TNRC6B: variants seen among roughly 807,000 people sequenced by gnomAD.
TNRC6B encodes trinucleotide repeat containing adaptor 6B.
TNRC6B carries 52 observed loss-of-function variants against 203.6 expected under a neutral mutation model. The observed-to-expected ratio is 0.26, with a 90% CI of 0.20 to 0.32. TNRC6B has a LOEUF of 0.32. Among genes scored for constraint, TNRC6B ranks in the 10% least tolerant of loss-of-function variants. The probability of loss-of-function intolerance (pLI) is 1.00; values close to 1 mark genes in which losing one functional copy is unlikely to be tolerated. For synonymous variants in TNRC6B, 838 were observed against 845.7 expected (o/e 0.99, Z 0.16); for missense variants, 1,923 against 2,286.2 (o/e 0.84, Z 3.24).
intron 4 of TNRC6B, chr22:40,156,189 C>T: frequency 6.4e-7 from 1 of 1,564,892 alleles, no homozygotes; most frequent in Non-Finnish European, 8.7e-7. Flanking sequence ...AACAGTGAGT[C>T]ACAGTTTATT....
chr22:40,322,782 C>T, intron 22 of TNRC6B, 72 bp from the exon 23 acceptor site: 1 of 1,555,972 alleles, frequency 6.4e-7, no homozygotes. Context: ...ATGTCAAGGA[C>T]TGCAGTCGCT....
At position 40,334,643 on chromosome 22, in the gene TNRC6B, C is replaced by T. The variant is rs1475642183; in HGVS notation, c.*11402C>T. 6.6e-6 allele frequency: 1 copy of T among 152,590 alleles called. No individual in the cohort carries two copies. Among genetic ancestry groups the T allele is most frequent in the Non-Finnish European group, 1.5e-5 (1 of 68,028 alleles). 9.5% of individuals were successfully genotyped at this position (152,590 alleles called of 1,614,324 possible). A position where few individuals can be genotyped will look rare whatever the true frequency, so the allele number is the denominator to read the frequency against. ...CCATAATCCTAGGGGGCTATGTTTA[C>T]ATAGTAAAATACATCCTACCAAATC... On this transcript the variant is annotated 3_prime_UTR_variant, in exon 23 of 23. Transcript: ENST00000454349.
At chr22:40,238,804 G>A (rs1052485107) in intron 1 of TNRC6B, among the ~76,000 whole-genome samples, 3 of 152,216 alleles carry the variant, frequency 2.0e-5, no homozygotes, top group Non-Finnish European at 4.4e-5. Flanking sequence ...CATGCATCTT[G>A]TTGTATATCT....
At chr22:40,246,347 G>A (rs1361378253) in intron 2 of TNRC6B, 1 of 252,824 alleles carries the variant, frequency 4.0e-6, no homozygotes, top group South Asian at 5.0e-5. Context: ...ACGCCACCAC[G>A]CCTGGCTAAT....
rs2068224921 is a variant in TNRC6B at position 40,100,152 on chromosome 22, T to C, written c.-120-16903T>C. Among the ~76,000 whole-genome samples, 4 of 151,684 alleles carry C rather than the reference T, an allele frequency of 2.6e-5. 1 individual carries two copies. The South Asian group carries it at 8.3e-4, about 32-fold the overall frequency. On this transcript the variant is annotated intron_variant, in intron 1 of 23. Transcript: ENST00000301923. Reference sequence around the variant, plus strand: ...CCCAGGCTGGAGTGTAGTGGTGTGATCTTGGCTTACTGCAATCTCCACCTT... The same window carrying C: ...CCCAGGCTGGAGTGTAGTGGTGTGACCTTGGCTTACTGCAATCTCCACCTT...
In TNRC6B at chr22:40,128,691, CT is replaced by C. The variant is rs563991317; in HGVS notation, c.45+2840del. ...GGTGTGTGCCACCACACCTGGCTCT[CT>C]TTTTTTTTTTGGTAGAGACAGAGTC... On this transcript the variant is annotated intron_variant, in intron 3 of 23. Transcript: ENST00000301923. Among the ~76,000 whole-genome samples, 621 of 145,192 alleles carry C rather than the reference CT, an allele frequency of 4.3e-3. 3 individuals carry two copies. Among genetic ancestry groups the C allele is most frequent in the African/African-American group, 0.012 (484 of 39,978 alleles).
Position 40,139,104 on chromosome 22 carries a change from C to G in TNRC6B, c.45+13242C>G, listed in dbSNP as rs532236653. Among the ~76,000 whole-genome samples, 7 of 152,282 alleles carry G rather than the reference C, an allele frequency of 4.6e-5. No individual in the cohort carries two copies. The South Asian group carries it at 1.0e-3, about 23-fold the overall frequency. The stretch of plus-strand genomic sequence containing the variant: ...TCCATTAGCAGTCACTCTCTATTCC[C>G]TTTCCTCCCAGGCACAGGCAACCAC... On this transcript the variant is annotated intron_variant, in intron 3 of 23. Transcript: ENST00000301923.
rs2071447898 is a variant in TNRC6B at position 40,330,002 on chromosome 22, G to A, written c.*6761G>A. 1 of 152,188 alleles carries A rather than the reference G, an allele frequency of 6.6e-6. No homozygotes were observed. The highest frequency in any genetic ancestry group is 2.1e-4 in the South Asian group (1 of 4,824). 9.4% of individuals were successfully genotyped at this position (152,188 alleles called of 1,614,324 possible). On this transcript the variant is annotated 3_prime_UTR_variant, in exon 23 of 23. Transcript: ENST00000454349. ...TGACAAATGCTTATCTTGTTCATGG[G>A]AGGGGAAAGATCAGATAAATAGGCA...
intron 1 of TNRC6B, among the ~76,000 whole-genome samples, chr22:40,066,897 T>C (rs1342504928): frequency 6.6e-6 from 1 of 151,372 alleles, no homozygotes; most frequent in African/African-American, 2.4e-5. Context: ...TTTTCTTTTT[T>C]TTTTTTTTCT....
intron 12 of TNRC6B, among the ~76,000 whole-genome samples, chr22:40,286,672 G>A (rs1321330064): frequency 2.0e-5 from 3 of 152,178 alleles, no homozygotes; most frequent in Admixed American, 6.5e-5. Flanking sequence ...CTCTGTGTAC[G>A]ACATAGTCCA....
intron 12 of TNRC6B, among the ~76,000 whole-genome samples, chr22:40,296,442 C>T (rs2070943007): frequency 6.6e-6 from 1 of 151,054 alleles, no homozygotes; most frequent in Admixed American, 6.6e-5. Context: ...TGCCATTCTC[C>T]TGCCTCAGTC....
intron 12 of TNRC6B, among the ~76,000 whole-genome samples, chr22:40,289,095 G>A (rs868663539): frequency 6.6e-6 from 1 of 152,094 alleles, no homozygotes; most frequent in African/African-American, 2.4e-5. Context: ...GATTACAGGC[G>A]TGAGCCACCG....
intron 1 of TNRC6B, among the ~76,000 whole-genome samples, chr22:40,104,243 T>A (rs2146307467): frequency 6.6e-6 from 1 of 150,918 alleles, no homozygotes; most frequent in Middle Eastern, 3.4e-3. Flanking sequence ...AGAGCAAGAC[T>A]CCGTCTCAGG....
At chr22:40,259,070 C>T (rs1487452301) in intron 3 of TNRC6B, among the ~76,000 whole-genome samples, 3 of 152,118 alleles carry the variant, frequency 2.0e-5, no homozygotes, top group Non-Finnish European at 4.4e-5. Context: ...CTTGTTTATT[C>T]TCATAATAAG....
chr22:40,229,721 CTT>C lies in TNRC6B; in HGVS notation c.6-16289_6-16288del, dbSNP rs370775728. 1.2e-4 allele frequency among the ~76,000 whole-genome samples: 18 copies of C among 152,178 alleles called. No individual in the cohort carries two copies. In the East Asian group the frequency reaches 3.1e-3, roughly 26 times the overall value. ...CAAGTGGAATTGTTCAGTAGGTACT[CTT>C]TTTTGTGTGGCTTCTTTTACTCAAC... On this transcript the variant is annotated intron_variant, in intron 1 of 22. Transcript: ENST00000454349.
intron 1 of TNRC6B, among the ~76,000 whole-genome samples, chr22:40,183,310 C>G (rs2146383278): frequency 6.6e-6 from 1 of 152,280 alleles, no homozygotes; most frequent in African/African-American, 2.4e-5. Flanking sequence ...TTTATGGCCC[C>G]GCAGAATGGC....
rs1004026012 is a variant in TNRC6B at position 40,265,853 on chromosome 22, A to G, written c.1623A>G (p.Gln541=). The G allele has an allele frequency of 6.2e-7, 1 of 1,614,012 alleles. No individual in the cohort carries two copies. Reference sequence around the variant, plus strand: ...CTAGCACTGGAGCATGGGACAATCAAAAGGGCCACCCCCTCCCTGAAAACC... The same window carrying G: ...CTAGCACTGGAGCATGGGACAATCAGAAGGGCCACCCCCTCCCTGAAAACC... ...PNSSTGAWDN[Q]KGHPLPENQG... is the part of the protein sequence containing the mutation. The change falls in exon 5 of 23, where the codon CAA becomes CAG. Residue 541 remains glutamine, a synonymous_variant. Coordinates refer to ENST00000454349, the MANE Select transcript of TNRC6B (RefSeq NM_001162501.2).
chr22:40,301,109 G>A lies in TNRC6B; in HGVS notation c.3937-41G>A, dbSNP rs9623164. The stretch of plus-strand genomic sequence containing the variant: ...GGCACAGTCTTTTCCTGGGAAGTTC[G>A]GGGCCGTGCTTATCACGTGTCTGTC... On this transcript the variant is annotated intron_variant, in intron 14 of 22. Coordinates refer to ENST00000454349, the MANE Select transcript of TNRC6B (RefSeq NM_001162501.2). The A allele has an allele frequency of 1.7e-3, 2,602 of 1,553,726 alleles. 26 individuals are homozygous for A. In the African/African-American group the frequency reaches 0.031, roughly 18 times the overall value.
chr22:40,141,204 C>CTTTTTTT lies in TNRC6B; in HGVS notation c.46-14894_46-14888dup, dbSNP rs757105010. Among the ~76,000 whole-genome samples the CTTTTTTT allele has an allele frequency of 6.7e-4, 51 of 75,690 alleles. 2 individuals carry two copies. The highest frequency in any genetic ancestry group is 1.6e-3 in the Admixed American group (8 of 5,136). 49.7% of individuals were successfully genotyped at this position (75,690 alleles called of 152,430 possible). A position where few individuals can be genotyped will look rare whatever the true frequency, so the allele number is the denominator to read the frequency against. The stretch of plus-strand genomic sequence containing the variant: ...ATGGGTGGTGAACTCAAATTCTGTC[C>CTTTTTTT]TTTTTTTTTTTTTTTTTTTTTTTGA... On this transcript the variant is annotated intron_variant, in intron 3 of 23. Coordinates refer to the TNRC6B transcript ENST00000301923.
Sources: gnomAD v4.1 joint callset for allele counts (sites outside exome capture counted in the v4.1 genomes callset) on GRCh38, gnomAD v4.1.1 for gene constraint, MANE v1.5 for transcripts, NCBI Gene and HGNC (gene_info 2026-07-23, HGNC 2026-07-21) for gene names.